ANK2: variants seen among roughly 807,000 people sequenced by gnomAD.
The protein encoded by ANK2 is ankyrin-2.
Under a neutral mutation model 360.5 loss-of-function variants are expected in ANK2, and 83 were observed. The observed-to-expected ratio is 0.23, with a 90% CI of 0.19 to 0.28. The LOEUF is 0.28. ANK2 is among the 10% of genes least tolerant of loss of function. The pLI, the probability that ANK2 is intolerant of heterozygous loss-of-function variation, is 1.00. For missense variants in ANK2, 4,201 were observed against 4,795.7 expected (o/e 0.88, Z 3.66); for synonymous variants, 1,740 against 1,759.5 (o/e 0.99, Z 0.28).
At chr4:113,224,400 A>T (rs1028393178) in intron 4 of ANK2, among the ~76,000 whole-genome samples, 2 of 152,192 alleles carry the variant, frequency 1.3e-5, no homozygotes, top group African/African-American at 4.8e-5. Flanking sequence ...GGCCTGAAAG[A>T]TTAAGAAGAT....
At chr4:112,985,747 A>C (rs1007900809) in intron 2 of ANK2, among the ~76,000 whole-genome samples, 3 of 152,086 alleles carry the variant, frequency 2.0e-5, no homozygotes, top group Non-Finnish European at 4.4e-5. Context: ...TCTCCCCTGG[A>C]GGGCAGGATG....
chr4:113,101,262 A>G (rs377367811), intron 1 of ANK2, among the ~76,000 whole-genome samples: 2 of 152,314 alleles, frequency 1.3e-5, no homozygotes, highest in East Asian at 3.9e-4. Flanking sequence ...AATGTATCAT[A>G]ATTAGTTTTT....
chr4:113,287,750 A>T (rs1406297495), intron 19 of ANK2, 47 bp downstream of exon 19: 26 of 1,496,736 alleles, frequency 1.7e-5, no homozygotes, highest in Non-Finnish European at 2.4e-5. Context: ...GGCTGGGATG[A>T]TTCCCAGTAG....
intron 36 of ANK2, among the ~76,000 whole-genome samples, chr4:113,348,992 C>T (rs1019897545): frequency 6.6e-6 from 1 of 152,088 alleles, no homozygotes; most frequent in Non-Finnish European, 1.5e-5. Context: ...ATTCCTTAGA[C>T]TATATCATAA....
intron 2 of ANK2, among the ~76,000 whole-genome samples, chr4:113,043,573 A>T (rs542000086): frequency 6.6e-6 from 1 of 152,198 alleles, no homozygotes; most frequent in East Asian, 1.9e-4. Context: ...TGCCTGGTTG[A>T]CCAGTGGCTT....
chr4:113,235,604 T>G lies in ANK2; in HGVS notation c.484-1383T>G, dbSNP rs146878983. 3.6e-4 allele frequency among the ~76,000 whole-genome samples: 54 copies of G among 151,914 alleles called. 1 individual carries two copies. The East Asian group carries it at 9.9e-3, about 28-fold the overall frequency. On this transcript the variant is annotated intron_variant, in intron 5 of 45. Transcript: ENST00000357077. ...CCACCACATTCATCTAATTTTTTCTTTGTTATTTTTAGAGGAGATGGGTTT... is the reference window on the plus strand; with the variant it reads ...CCACCACATTCATCTAATTTTTTCTGTGTTATTTTTAGAGGAGATGGGTTT...
chr4:112,811,929 G>C, the ANK2 span, among the ~76,000 whole-genome samples: 5 of 151,966 alleles, frequency 3.3e-5, no homozygotes, highest in Non-Finnish European at 5.9e-5. Flanking sequence ...CAAAAAATTA[G>C]CCAGGTGTAG....
At chr4:112,936,624 G>A (rs968288116) in intron 2 of ANK2, among the ~76,000 whole-genome samples, 1 of 152,046 alleles carries the variant, frequency 6.6e-6, no homozygotes, top group Non-Finnish European at 1.5e-5. Context: ...GATTACAGGC[G>A]TGAGCCACCA....
At position 113,359,223 on chromosome 4, in the gene ANK2, A is replaced by G; in HGVS notation, c.10605A>G (p.Thr3535=). Residue 3535 remains threonine, a synonymous_variant, in exon 38 of 46, where the codon ACA becomes ACG. Transcript: ENST00000357077. ...EHSVPEDIFD[T]RPIWDESIET... ...CAGTTCCTGAGGACATCTTTGACAC[A>G]AGGCCCATTTGGGATGAGTCTATTG... The G allele has an allele frequency of 1.9e-6, 3 of 1,613,674 alleles. No individual in the cohort carries two copies. Among genetic ancestry groups the G allele is most frequent in the African/African-American group, 1.3e-5 (1 of 75,032 alleles).
intron 1 of ANK2, among the ~76,000 whole-genome samples, chr4:113,154,518 G>A (rs965914871): frequency 1.3e-5 from 2 of 152,146 alleles, no homozygotes; most frequent in Admixed American, 6.6e-5. Context: ...ATGTCACATA[G>A]CACATGAGAG....
chr4:113,104,629 C>A (rs959156337), intron 1 of ANK2, among the ~76,000 whole-genome samples: 23 of 152,108 alleles, frequency 1.5e-4, no homozygotes, highest in African/African-American at 5.3e-4. Flanking sequence ...GCACGAGAAT[C>A]GCTTGAACCC....
intron 2 of ANK2, among the ~76,000 whole-genome samples, chr4:113,193,474 C>T (rs1371846042): frequency 1.3e-5 from 2 of 152,104 alleles, no homozygotes; most frequent in Non-Finnish European, 2.9e-5. Flanking sequence ...GGGAAAAGTG[C>T]AGATAAAAGA....
At chr4:112,745,015 A>G in the ANK2 span, among the ~76,000 whole-genome samples, 1 of 152,128 alleles carries the variant, frequency 6.6e-6, no homozygotes, top group Non-Finnish European at 1.5e-5. Flanking sequence ...CTTTTTCTCT[A>G]TATGTCATAT....
chr4:113,354,793 A>G lies in ANK2; in HGVS notation c.6175A>G (p.Thr2059Ala). 6.2e-7 allele frequency: 1 copy of G among 1,614,164 alleles called. No individual in the cohort carries two copies. Among genetic ancestry groups the G allele is most frequent in the Non-Finnish European group, 8.5e-7 (1 of 1,179,996 alleles). The change falls in exon 38 of 46, where the codon ACG (threonine) becomes GCG (alanine). Residue 2059 changes from threonine to alanine, a missense_variant. Transcript: ENST00000357077. Reference sequence around the variant, plus strand: ...CAAACGAGGCCAGAGACTCCCGGTAACGGGCACAGCAGAATCCAAAAGAGG... The same window carrying G: ...CAAACGAGGCCAGAGACTCCCGGTAGCGGGCACAGCAGAATCCAAAAGAGG... ...TIKRGQRLPV[T>A]GTAESKRGVR...
intron 2 of ANK2, among the ~76,000 whole-genome samples, chr4:113,176,030 T>G (rs2098184588): frequency 6.6e-6 from 1 of 152,244 alleles, no homozygotes; most frequent in East Asian, 1.9e-4. Context: ...GTGAGCAACC[T>G]TGAGGGATTA....
chr4:112,975,985 A>G (rs896634946), intron 2 of ANK2, among the ~76,000 whole-genome samples: 1 of 152,104 alleles, frequency 6.6e-6, no homozygotes, highest in African/African-American at 2.4e-5. Flanking sequence ...CCTATCTTAT[A>G]TTTAATTGGT....
At chr4:113,233,362 C>G (rs1288789513) in intron 5 of ANK2, among the ~76,000 whole-genome samples, 4 of 151,232 alleles carry the variant, frequency 2.6e-5, no homozygotes, top group Non-Finnish European at 4.4e-5. Context: ...GTCTCGATCT[C>G]TTGACCTCGT....
At chr4:112,765,863 T>TGTCATATATTGACCAGA in the ANK2 span, among the ~76,000 whole-genome samples, 9 of 152,288 alleles carry the variant, frequency 5.9e-5, no homozygotes, top group East Asian at 1.7e-3. Context: ...GACTGGGGGC[T>TGTCATATATTGACCAGA]GTACTGGCAT....
chr4:113,364,913 A>G (rs1488827965), intron 40 of ANK2, 126 bp from the exon 41 acceptor site: 17 of 1,236,864 alleles, frequency 1.4e-5, no homozygotes, highest in Admixed American at 5.5e-5. Flanking sequence ...TTTTACAAAG[A>G]CTTTTAATTA....
Sources: gnomAD v4.1 joint callset for allele counts (sites outside exome capture counted in the v4.1 genomes callset) on GRCh38, gnomAD v4.1.1 for gene constraint, MANE v1.5 for transcripts, NCBI Gene and HGNC (gene_info 2026-07-23, HGNC 2026-07-21) for gene names.